GRB2: variants seen among roughly 807,000 people sequenced by gnomAD.
GRB2 encodes the protein growth factor receptor-bound protein 2.
In GRB2, 2 loss-of-function variants were observed where a neutral mutation model predicts 27.4. That is an observed-to-expected ratio of 0.07 (90% CI 0.03 to 0.23). The LOEUF is 0.23. GRB2 is among the 10% of genes least tolerant of loss of function. GRB2 has a pLI of 1.00. For missense variants in GRB2, 102 were observed against 282.4 expected, an observed-to-expected ratio of 0.36 and a Z score of 4.58; for synonymous variants, 94 against 99.6, an observed-to-expected ratio of 0.94 and a Z score of 0.33.
chr17:75,327,141 A>G (rs540819764), intron 3 of GRB2, among the ~76,000 whole-genome samples: 136 of 139,462 alleles, frequency 9.8e-4, no homozygotes, highest in Non-Finnish European at 1.9e-3. Flanking sequence ...GATCTCGCTC[A>G]CTGCAAGCTC....
chr17:75,369,203 A>G (rs1567869339), intron 2 of GRB2, among the ~76,000 whole-genome samples: 1 of 152,236 alleles, frequency 6.6e-6, no homozygotes, highest in Non-Finnish European at 1.5e-5. Context: ...GTATATAAAA[A>G]GAACATCTTA....
At chr17:75,335,139 C>T (rs556084268) in intron 2 of GRB2, among the ~76,000 whole-genome samples, 4 of 152,036 alleles carry the variant, frequency 2.6e-5, no homozygotes, top group East Asian at 1.9e-4. Flanking sequence ...TGCAACTGGC[C>T]GCAGGTAAGG....
Position 75,320,639 on chromosome 17 carries a change from A to G in GRB2, c.469-86T>C. ...GAGGCCAGATGGGTTCCAGGGGGAA[A>G]CGAATGCGTGCCAAATTCTCCATGT... On this transcript the variant is annotated intron_variant, in intron 5 of 5. Coordinates refer to ENST00000316804, the MANE Select transcript of GRB2 (RefSeq NM_002086.5). This position sits in a 1 kb window ranked among gnomAD's most constrained non-coding sequence, Gnocchi z 4.3. The G allele has an allele frequency of 2.1e-6, 2 of 941,470 alleles. No homozygotes were observed. Among genetic ancestry groups the G allele is most frequent in the Non-Finnish European group, 3.3e-6 (2 of 599,022 alleles). The allele number at this position is 941,470 out of a possible 1,614,324, so 58.3% of individuals were successfully genotyped here. A position where few individuals can be genotyped will look rare whatever the true frequency, so the allele number is the denominator to read the frequency against.
At chr17:75,380,359 A>AC (rs1340194438) in intron 2 of GRB2, among the ~76,000 whole-genome samples, 1 of 152,016 alleles carries the variant, frequency 6.6e-6, no homozygotes, top group East Asian at 1.9e-4. Context: ...AAAAAAAAAA[A>AC]AACTATTATA....
chr17:75,395,504 A>T (rs1030632662), intron 1 of GRB2, among the ~76,000 whole-genome samples: 6 of 152,244 alleles, frequency 3.9e-5, no homozygotes, highest in African/African-American at 1.4e-4. Flanking sequence ...TTTAAAAGTC[A>T]GAGTATTAAA....
At chr17:75,335,565 GGT>G (rs777942238) in intron 2 of GRB2, among the ~76,000 whole-genome samples, 230 of 152,204 alleles carry the variant, frequency 1.5e-3, no homozygotes, top group Non-Finnish European at 2.6e-3. Flanking sequence ...CTTAACAGAG[GGT>G]ATGCCCTGCA....
intron 2 of GRB2, among the ~76,000 whole-genome samples, chr17:75,376,213 T>G (rs2078892403): frequency 6.7e-6 from 1 of 150,292 alleles, no homozygotes; most frequent in East Asian, 2.0e-4. Flanking sequence ...CGTGTCGGCA[T>G]GCGCCTATAT....
At chr17:75,338,281 T>C (rs1188060918) in intron 2 of GRB2, among the ~76,000 whole-genome samples, 3 of 151,852 alleles carry the variant, frequency 2.0e-5, no homozygotes, top group Non-Finnish European at 4.4e-5. Flanking sequence ...GCCAGGCTGG[T>C]CTCGAACTCC....
At chr17:75,326,829 G>A (rs960188558) in intron 3 of GRB2, among the ~76,000 whole-genome samples, 1 of 152,184 alleles carries the variant, frequency 6.6e-6, no homozygotes, top group Non-Finnish European at 1.5e-5. Context: ...TTCTACAAGA[G>A]CTTCAAGTCA....
At chr17:75,380,198 G>T (rs1401978356) in intron 2 of GRB2, among the ~76,000 whole-genome samples, 1 of 152,114 alleles carries the variant, frequency 6.6e-6, no homozygotes. Flanking sequence ...TTTGCTCCAT[G>T]AAGCTGTGCA....
chr17:75,337,868 C>CTTT (rs1296543101), intron 2 of GRB2, among the ~76,000 whole-genome samples: 32 of 124,182 alleles, frequency 2.6e-4, no homozygotes, highest in Non-Finnish European at 4.5e-4. Context: ...GCCCGGCCTA[C>CTTT]TATTACTACT....
At chr17:75,382,340 AG>A (rs779639176) in intron 2 of GRB2, among the ~76,000 whole-genome samples, 1 of 152,232 alleles carries the variant, frequency 6.6e-6, no homozygotes, top group East Asian at 1.9e-4. Context: ...GTTAAAACGA[AG>A]AAAAAAACTT....
chr17:75,321,011 C>G (rs1052544997), intron 5 of GRB2, among the ~76,000 whole-genome samples: 1 of 152,134 alleles, frequency 6.6e-6, no homozygotes, highest in South Asian at 2.1e-4. Flanking sequence ...GAACGGGTGC[C>G]GACCCCATTC....
chr17:75,363,282 C>T (rs554343721), intron 2 of GRB2, among the ~76,000 whole-genome samples: 4 of 152,118 alleles, frequency 2.6e-5, no homozygotes, highest in Non-Finnish European at 5.9e-5. Context: ...AAATAAGGAA[C>T]TGCCAGGTCA....
At chr17:75,350,501 A>ATT (rs71361672) in intron 2 of GRB2, among the ~76,000 whole-genome samples, 3 of 151,754 alleles carry the variant, frequency 2.0e-5, no homozygotes, top group African/African-American at 7.3e-5. Context: ...ATTTATTTTT[A>ATT]TTTTTTTTGA....
chr17:75,385,076 C>CAAACAA (rs71161206), intron 2 of GRB2, among the ~76,000 whole-genome samples: 4 of 77,146 alleles, frequency 5.2e-5, no homozygotes, highest in South Asian at 4.2e-4. Context: ...AACAAACAAA[C>CAAACAA]AAAAAAACCC....
At chr17:75,353,598 A>G (rs112690590) in intron 2 of GRB2, among the ~76,000 whole-genome samples, 1 of 152,042 alleles carries the variant, frequency 6.6e-6, no homozygotes, top group Non-Finnish European at 1.5e-5. Context: ...CGCCTCTACT[A>G]AAAACACAAA....
intron 3 of GRB2, among the ~76,000 whole-genome samples, chr17:75,330,826 T>C (rs528767605): frequency 2.3e-4 from 35 of 152,242 alleles, no homozygotes; most frequent in Admixed American, 2.2e-3. Flanking sequence ...CTCCCATCCA[T>C]ATGCATTTAG....
chr17:75,328,354 A>G (rs1329708461), intron 3 of GRB2, among the ~76,000 whole-genome samples: 1 of 146,722 alleles, frequency 6.8e-6, no homozygotes, highest in African/African-American at 2.6e-5. Context: ...AAAATAAAAA[A>G]GGAGGCTGGG....
Sources: gnomAD v4.1 joint callset for allele counts (sites outside exome capture counted in the v4.1 genomes callset) on GRCh38, gnomAD v4.1.1 for gene constraint, Gnocchi (gnomAD v3.1) non-coding constraint, MANE v1.5 for transcripts, NCBI Gene and HGNC (gene_info 2026-07-23, HGNC 2026-07-21) for gene names.